NXPE4: variants seen among roughly 807,000 people sequenced by gnomAD.
NXPE4 encodes the protein neurexophilin and PC-esterase domain family member 4.
NXPE4 carries 42 observed loss-of-function variants against 33.3 expected under a neutral mutation model. The observed-to-expected ratio is 1.26, with a 90% CI of 0.98 to 1.63. The LOEUF (loss-of-function observed/expected upper bound fraction) is 1.63, where lower values mean the gene tolerates loss of function less well. Among genes scored for constraint, NXPE4 ranks in the 40% most tolerant of loss-of-function variants. NXPE4 has a pLI of 0.00. For synonymous variants in NXPE4, 253 were observed against 234.9 expected (o/e 1.08, Z -0.71); for missense variants, 709 against 647.6 (o/e 1.09, Z -1.03).
the NXPE4 span, among the ~76,000 whole-genome samples, chr11:114,612,761 C>T: frequency 1.3e-5 from 2 of 151,958 alleles, no homozygotes; most frequent in Admixed American, 6.6e-5. Flanking sequence ...TAAGTGTTGC[C>T]TCGTGGGTAA....
At chr11:114,610,942 C>A in the NXPE4 span, among the ~76,000 whole-genome samples, 1 of 151,756 alleles carries the variant, frequency 6.6e-6, no homozygotes, top group Non-Finnish European at 1.5e-5. Flanking sequence ...TGGGTAACCA[C>A]TGTTGCCTGG....
chr11:114,651,258 G>A, the NXPE4 span, among the ~76,000 whole-genome samples: 4 of 152,022 alleles, frequency 2.6e-5, no homozygotes, highest in Admixed American at 6.6e-5. Flanking sequence ...AGATGTGTCC[G>A]GAGTTTCTTC....
rs758400356 is a variant in NXPE4, at chr11:114,571,136, C to T, written c.1437G>A (p.Glu479=). 6.2e-7 allele frequency: 1 copy of T among 1,613,882 alleles called. No homozygotes were observed. The highest frequency in any genetic ancestry group is 8.5e-7 in the Non-Finnish European group (1 of 1,179,872). The change falls in exon 6 of 6, where the codon GAG becomes GAA. Residue 479 remains glutamate, a synonymous_variant. Coordinates refer to ENST00000375478, the MANE Select transcript of NXPE4 (RefSeq NM_001077639.2). ...TAAATCTTTCTGCATCATTGTACAT[C>T]TCCCTGATGTTTTCTGTTTTGATGA... is the stretch of plus-strand genomic sequence containing the variant. ...MVIIKTENIR[E]MYNDAERFSD...
At chr11:114,592,801 A>T (rs1949489564) in intron 2 of NXPE4, among the ~76,000 whole-genome samples, 1 of 152,204 alleles carries the variant, frequency 6.6e-6, no homozygotes, top group Admixed American at 6.5e-5. Flanking sequence ...TATAGTAAAC[A>T]GTGTTATACT....
At chr11:114,629,183 T>A in the NXPE4 span, among the ~76,000 whole-genome samples, 16 of 152,078 alleles carry the variant, frequency 1.1e-4, 1 homozygote, top group Non-Finnish European at 1.8e-4. Context: ...GAGGCCAGCA[T>A]CATTCTGATA....
At chr11:114,602,806 TAC>T in the NXPE4 span, among the ~76,000 whole-genome samples, 1 of 139,446 alleles carries the variant, frequency 7.2e-6, no homozygotes, top group Non-Finnish European at 1.5e-5. Flanking sequence ...CTCATATAAT[TAC>T]AGAATCATAT....
At chr11:114,639,135 C>T in the NXPE4 span, among the ~76,000 whole-genome samples, 27,262 of 151,932 alleles carry the variant, frequency 0.18, 2,895 homozygotes, top group Non-Finnish European at 0.22. Flanking sequence ...TCGAGCTTCC[C>T]GGCTGCTTTG....
chr11:114,579,065 G>T (rs1036142394), intron 5 of NXPE4, among the ~76,000 whole-genome samples: 2 of 152,188 alleles, frequency 1.3e-5, no homozygotes, highest in Non-Finnish European at 2.9e-5. Context: ...TTTGGCTGAT[G>T]GTTCTTGCAG....
upstream of NXPE4, among the ~76,000 whole-genome samples, chr11:114,598,752 G>A (rs1949606555): frequency 6.6e-6 from 1 of 152,070 alleles, no homozygotes; most frequent in South Asian, 2.1e-4. Context: ...CCCGGGCCTG[G>A]CTCACAAAAC....
chr11:114,640,875 T>C, the NXPE4 span, among the ~76,000 whole-genome samples: 1 of 152,066 alleles, frequency 6.6e-6, no homozygotes, highest in Admixed American at 6.6e-5. Flanking sequence ...AATGTGTAGG[T>C]TACAAATATT....
At chr11:114,600,502 A>G (rs1157172170), upstream of NXPE4, among the ~76,000 whole-genome samples, 1 of 152,132 alleles carries the variant, frequency 6.6e-6, no homozygotes, top group Non-Finnish European at 1.5e-5. Flanking sequence ...GCAATGTATA[A>G]CTTCAATGTA....
the NXPE4 span, among the ~76,000 whole-genome samples, chr11:114,664,480 A>C: frequency 6.6e-6 from 1 of 152,206 alleles, no homozygotes; most frequent in African/African-American, 2.4e-5. Context: ...ACTTCACGTA[A>C]ATTGCACCTC....
chr11:114,579,906 T>C (rs1479442465), intron 5 of NXPE4, among the ~76,000 whole-genome samples: 1 of 152,216 alleles, frequency 6.6e-6, no homozygotes, highest in African/African-American at 2.4e-5. Context: ...GTGTGAATTC[T>C]GCAGAGATAG....
chr11:114,584,214 G>A, intron 2 of NXPE4: 1 of 392,270 alleles, frequency 2.5e-6, no homozygotes, highest in Admixed American at 3.4e-5. Flanking sequence ...CTGTGGCTCT[G>A]GATATGGAGA....
intron 2 of NXPE4, 44 bp downstream of exon 2, chr11:114,594,620 C>G (rs375538096): frequency 2.3e-6 from 3 of 1,302,966 alleles, no homozygotes; most frequent in Non-Finnish European, 3.3e-6. Context: ...AGGTAATAAG[C>G]AAAAATAAGC....
At chr11:114,618,751 C>T in the NXPE4 span, among the ~76,000 whole-genome samples, 29,354 of 151,394 alleles carry the variant, frequency 0.19, 3,399 homozygotes, top group African/African-American at 0.33. Flanking sequence ...TTATCTCGTG[C>T]GTAGCCACTG....
chr11:114,604,136 A>G, the NXPE4 span, among the ~76,000 whole-genome samples: 2,533 of 152,158 alleles, frequency 0.017, 78 homozygotes, highest in African/African-American at 0.056. Flanking sequence ...ATAGGTAACT[A>G]CTGATACCTG....
the NXPE4 span, among the ~76,000 whole-genome samples, chr11:114,629,359 G>C: frequency 2.0e-5 from 3 of 152,010 alleles, no homozygotes; most frequent in East Asian, 5.8e-4. Flanking sequence ...TGCAAGCCTG[G>C]TTCAATATAC....
At chr11:114,674,111 AAACAAACAAACAAAC>A in the NXPE4 span, among the ~76,000 whole-genome samples, 52 of 106,646 alleles carry the variant, frequency 4.9e-4, no homozygotes, top group African/African-American at 1.4e-3. Context: ...ACAAACAAAC[AAACAAACAAACAAAC>A]AAGTGAACAA....
Sources: gnomAD v4.1 joint callset for allele counts (sites outside exome capture counted in the v4.1 genomes callset) on GRCh38, gnomAD v4.1.1 for gene constraint, MANE v1.5 for transcripts, NCBI Gene and HGNC (gene_info 2026-07-23, HGNC 2026-07-21) for gene names.